ERC2: variants seen among roughly 807,000 people sequenced by gnomAD.
The protein encoded by ERC2 is ELKS/RAB6-interacting/CAST family member 2.
In ERC2, 42 loss-of-function variants were observed where a neutral mutation model predicts 114.8. The observed-to-expected ratio is 0.37, with a 90% confidence interval of 0.29 to 0.47. ERC2 has a LOEUF of 0.47. Ranked by LOEUF, ERC2 falls within the 20% of genes least tolerant of loss-of-function variation. ERC2 has a pLI of 0.99. For missense variants in ERC2, 939 were observed against 1,150.7 expected (o/e 0.82, Z 2.66); for synonymous variants, 454 against 425.5 (o/e 1.07, Z -0.82).
chr3:55,992,197 T>C lies in ERC2; in HGVS notation c.2115A>G (p.Ile705Met). The stretch of plus-strand genomic sequence containing the variant: ...AAGACGCCTCTTTATCGAGCTGTTT[T>C]ATTTGGTCTGCAAACTCAGGGTTCA... ...SRMNPEFADQ[I>M]KQLDKEASYY... is the part of the protein sequence containing the mutation. Residue 705 changes from isoleucine (I) to methionine (M), a missense_variant, in exon 11 of 18, where the codon ATA becomes ATG. Around this residue, in one of 5 missense-constraint regions of ERC2, gnomAD observed 328 missense variants for 353.9 expected, o/e 0.93. Coordinates refer to ENST00000288221, the MANE Select transcript of ERC2 (RefSeq NM_015576.3). 1 of 1,613,888 alleles carries C rather than the reference T, an allele frequency of 6.2e-7. No individual in the cohort carries two copies. The highest frequency in any genetic ancestry group is 8.5e-7 in the Non-Finnish European group (1 of 1,179,812).
chr3:56,339,945 A>C (rs2058020926), intron 2 of ERC2, among the ~76,000 whole-genome samples: 1 of 152,212 alleles, frequency 6.6e-6, no homozygotes, highest in Admixed American at 6.5e-5. Context: ...AGATTAGTCT[A>C]CATACCTCAG....
intron 17 of ERC2, among the ~76,000 whole-genome samples, chr3:55,605,618 A>C (rs911656857): frequency 1.1e-4 from 17 of 152,366 alleles, no homozygotes; most frequent in Admixed American, 2.6e-4. Flanking sequence ...GTTTAATTAT[A>C]AAATTAAGTG....
chr3:55,720,878 C>CA (rs2064506514), intron 15 of ERC2, among the ~76,000 whole-genome samples: 1 of 152,178 alleles, frequency 6.6e-6, no homozygotes, highest in African/African-American at 2.4e-5. Flanking sequence ...GCATCTTGTA[C>CA]ATTTCTTTAA....
At chr3:56,046,829 A>T (rs2075487710) in intron 7 of ERC2, among the ~76,000 whole-genome samples, 1 of 152,166 alleles carries the variant, frequency 6.6e-6, no homozygotes, top group Non-Finnish European at 1.5e-5. Context: ...AAACCCTTTC[A>T]TTTTCTTCCT....
At chr3:56,038,642 A>G (rs1256541978) in intron 7 of ERC2, among the ~76,000 whole-genome samples, 1 of 152,246 alleles carries the variant, frequency 6.6e-6, no homozygotes, top group Non-Finnish European at 1.5e-5. Context: ...GTGTATGTTC[A>G]TTGCAGCACT....
At chr3:56,065,785 G>T (rs1255242695) in intron 7 of ERC2, among the ~76,000 whole-genome samples, 1 of 152,110 alleles carries the variant, frequency 6.6e-6, no homozygotes, top group South Asian at 2.1e-4. Flanking sequence ...ACTTATGAGT[G>T]AGTATATGTG....
intron 2 of ERC2, among the ~76,000 whole-genome samples, chr3:56,355,273 C>T (rs1222740429): frequency 6.6e-6 from 1 of 151,014 alleles, no homozygotes; most frequent in Non-Finnish European, 1.5e-5. Flanking sequence ...GGAAAAGGAG[C>T]TATTATTTCA....
At chr3:55,768,760 G>A (rs779813844) in intron 14 of ERC2, among the ~76,000 whole-genome samples, 2 of 152,186 alleles carry the variant, frequency 1.3e-5, no homozygotes, top group Non-Finnish European at 2.9e-5. Flanking sequence ...ACAGAAGAAG[G>A]TGACATCAGA....
chr3:55,615,176 T>C (rs2059073704), intron 17 of ERC2, among the ~76,000 whole-genome samples: 1 of 152,212 alleles, frequency 6.6e-6, no homozygotes, highest in African/African-American at 2.4e-5. Flanking sequence ...TGTCATAGGA[T>C]ACCAGCTGCC....
chr3:55,873,932 T>C (rs1437507327), intron 14 of ERC2, among the ~76,000 whole-genome samples: 1 of 152,242 alleles, frequency 6.6e-6, no homozygotes, highest in Non-Finnish European at 1.5e-5. Context: ...GACTGTTAAC[T>C]AGGTAGTCAA....
intron 12 of ERC2, among the ~76,000 whole-genome samples, chr3:55,980,093 G>A (rs1405684341): frequency 3.0e-5 from 4 of 135,226 alleles, no homozygotes; most frequent in East Asian, 2.2e-4. Flanking sequence ...ATGTTTGCAC[G>A]AAGTGTAAAT....
intron 2 of ERC2, among the ~76,000 whole-genome samples, chr3:56,302,346 G>T (rs1042452309): frequency 1.3e-4 from 20 of 152,158 alleles, no homozygotes; most frequent in African/African-American, 4.8e-4. Flanking sequence ...GAGGATGAGA[G>T]ATACCTAAGT....
At chr3:56,091,082 T>G (rs747947088) in intron 6 of ERC2, among the ~76,000 whole-genome samples, 10 of 152,162 alleles carry the variant, frequency 6.6e-5, no homozygotes, top group Non-Finnish European at 8.8e-5. Flanking sequence ...ACTTTTTCTT[T>G]AAAATTCGCT....
intron 12 of ERC2, among the ~76,000 whole-genome samples, chr3:55,964,601 T>C (rs2068617351): frequency 6.6e-6 from 1 of 152,214 alleles, no homozygotes; most frequent in African/African-American, 2.4e-5. Flanking sequence ...TTTCTATTGG[T>C]ACATAACAAA....
chr3:55,699,458 A>G lies in ERC2; in HGVS notation c.2767T>C (p.Tyr923His), dbSNP rs752700584. ...ADNYDDDHHH[Y>H]HHHHHHHHHR... ...TGGTGGTGATGGTGGTGGTGGTGGT[A>G]ATGGTGATGGTCATCATCATAGTTG... Residue 923 changes from tyrosine to histidine, a missense_variant, in exon 16 of 18, where the codon TAC becomes CAC. Coordinates refer to ENST00000288221, the MANE Select transcript of ERC2 (RefSeq NM_015576.3). The G allele has an allele frequency of 6.2e-7, 1 of 1,613,332 alleles. No individual in the cohort carries two copies. The highest frequency in any genetic ancestry group is 8.5e-7 in the Non-Finnish European group (1 of 1,179,622).
At chr3:55,597,782 C>T (rs1250645728) in intron 17 of ERC2, among the ~76,000 whole-genome samples, 1 of 152,218 alleles carries the variant, frequency 6.6e-6, no homozygotes, top group African/African-American at 2.4e-5. Flanking sequence ...CCTGACTTGG[C>T]ACCCTACAGT....
At chr3:55,801,320 G>A (rs1382961469) in intron 14 of ERC2, among the ~76,000 whole-genome samples, 1 of 152,142 alleles carries the variant, frequency 6.6e-6, no homozygotes, top group Non-Finnish European at 1.5e-5. Flanking sequence ...CCGGTTAACT[G>A]TTTGGAAGCA....
chr3:56,055,191 T>C (rs2075958500), intron 7 of ERC2, among the ~76,000 whole-genome samples: 1 of 152,178 alleles, frequency 6.6e-6, no homozygotes, highest in African/African-American at 2.4e-5. Context: ...GCAAAGAGAA[T>C]GCCATACAGC....
At chr3:56,173,653 T>C in intron 3 of ERC2, 133 bp from the exon 4 acceptor site, 5 of 702,152 alleles carry the variant, frequency 7.1e-6, no homozygotes, top group South Asian at 5.7e-5. Context: ...CAGGTGTCTC[T>C]TCCCCCACAC....
Sources: gnomAD v4.1 joint callset for allele counts (sites outside exome capture counted in the v4.1 genomes callset) on GRCh38, gnomAD v4.1.1 for gene constraint, gnomAD v4.1.1 regional missense constraint, MANE v1.5 for transcripts, NCBI Gene and HGNC (gene_info 2026-07-23, HGNC 2026-07-21) for gene names.